Variants in DHX32 observed in about 807,000 individuals in gnomAD.
DHX32 encodes the protein DEAH-box helicase 32 (putative), also known as putative pre-mRNA-splicing factor ATP-dependent RNA helicase DHX32.
Under a neutral mutation model 70.0 loss-of-function variants are expected in DHX32, and 51 were observed. The observed-to-expected ratio is 0.73, with a 90% confidence interval of 0.58 to 0.92. The LOEUF is 0.92. DHX32 is among the 40% of genes least tolerant of loss of function. The probability of loss-of-function intolerance (pLI) is 0.00; values close to 1 mark genes in which losing one functional copy is unlikely to be tolerated. For synonymous variants in DHX32, 310 were observed against 315.3 expected (o/e 0.98, Z 0.18); for missense variants, 762 against 891.8 (o/e 0.85, Z 1.85).
intron 6 of DHX32, chr10:125,842,239 C>T (rs1233591791): frequency 1.5e-5 from 5 of 325,310 alleles, no homozygotes; most frequent in Non-Finnish European, 2.8e-5. Flanking sequence ...GCCAGGGATC[C>T]AGGGAGACTA....
At chr10:125,886,913 C>T (rs1944343736) in intron 1 of DHX32, among the ~76,000 whole-genome samples, 1 of 152,308 alleles carries the variant, frequency 6.6e-6, no homozygotes, top group Non-Finnish European at 1.5e-5. Flanking sequence ...ACTCTTGAAC[C>T]GTTTGTACTA....
chr10:125,856,752 C>T (rs1282083558), intron 3 of DHX32, among the ~76,000 whole-genome samples: 1 of 152,046 alleles, frequency 6.6e-6, no homozygotes, highest in Admixed American at 6.6e-5. Flanking sequence ...TCAAGACCAG[C>T]CTGGGCAACA....
intron 6 of DHX32, among the ~76,000 whole-genome samples, chr10:125,847,258 G>A (rs1198434431): frequency 6.6e-6 from 1 of 152,176 alleles, no homozygotes; most frequent in Non-Finnish European, 1.5e-5. Context: ...GGAACCTAGA[G>A]ATACAGGGAT....
intron 1 of DHX32, among the ~76,000 whole-genome samples, chr10:125,888,242 C>A (rs61870744): frequency 0.31 from 45,912 of 149,704 alleles, 7,256 homozygotes; most frequent in East Asian, 0.43. Context: ...CTTACTCCGT[C>A]GCCCAGGCTG....
At chr10:125,884,472 C>G (rs1944332645), upstream of DHX32, among the ~76,000 whole-genome samples, 1 of 152,228 alleles carries the variant, frequency 6.6e-6, no homozygotes. Context: ...TCTTTCAAAG[C>G]TATCATACAT....
Position 125,852,641 on chromosome 10 carries a change from A to T in DHX32, c.1094T>A (p.Val365Glu). Reference protein sequence around the residue: ...VIDVGVERRKVYNPRIRANSL... With the variant: ...VIDVGVERRKEYNPRIRANSL... ...GTTTGCTCTTATTCTCGGGTTGTAC[A>T]CCTTTAAATGGAAAGACAGCATCAT... The change falls in exon 5 of 11, where the codon GTG becomes GAG. Residue 365 changes from valine (V) to glutamate (E), a missense_variant and splice_region_variant. This residue lies in a region of DHX32 where 394 missense variants were observed against 473.1 expected (regional missense o/e 0.83). Coordinates refer to ENST00000284690, the MANE Select transcript of DHX32 (RefSeq NM_018180.3). The T allele has an allele frequency of 6.2e-7, 1 of 1,603,674 alleles. No individual in the cohort carries two copies. The highest frequency in any genetic ancestry group is 8.5e-7 in the Non-Finnish European group (1 of 1,176,568).
chr10:125,862,846 G>T lies in DHX32; in HGVS notation c.477-2871C>A, dbSNP rs115883304. ...TCCCAGTCTGTGCAATGTGAGCAAG[G>T]CTCCAACTCAAAACAAAGCAAAAAA... On this transcript the variant is annotated intron_variant, in intron 2 of 10. Transcript: ENST00000284690. Among the ~76,000 whole-genome samples, 698 of 151,434 alleles carry T rather than the reference G, an allele frequency of 4.6e-3. 3 individuals carry two copies. The highest frequency in any genetic ancestry group is 0.016 in the African/African-American group (644 of 41,228).
chr10:125,855,443 A>G (rs1222246016), intron 3 of DHX32, among the ~76,000 whole-genome samples: 1 of 149,684 alleles, frequency 6.7e-6, no homozygotes, highest in Non-Finnish European at 1.5e-5. Flanking sequence ...CTATCAAGAT[A>G]AACTGTTTTT....
intron 10 of DHX32, among the ~76,000 whole-genome samples, chr10:125,837,631 CCAGGGCTGGTCTTGAACTCT>C (rs2134020020): frequency 6.6e-6 from 1 of 152,226 alleles, no homozygotes; most frequent in Non-Finnish European, 1.5e-5. Flanking sequence ...TGCTATGTTG[CCAGGGCTGGTCTTGAACTCT>C]TGGGCTCAAG....
At position 125,892,980 on chromosome 10, in the gene DHX32, C is replaced by T. The variant is rs1944380433; in HGVS notation, c.-248+3238G>A. Among the ~76,000 whole-genome samples, 3 of 152,118 alleles carry T rather than the reference C, an allele frequency of 2.0e-5. No individual in the cohort carries two copies. The South Asian group carries it at 6.2e-4, about 32-fold the overall frequency. ...AAATTATCAGGTACACAATGAAGAC[C>T]ACCATGTGCTAAAAGCAACACAGAA... On this transcript the variant is annotated intron_variant, in intron 1 of 2. Transcript: ENST00000415732.
intron 1 of DHX32, among the ~76,000 whole-genome samples, chr10:125,880,097 C>T (rs1944308260): frequency 1.3e-5 from 2 of 152,272 alleles, no homozygotes; most frequent in East Asian, 1.9e-4. Context: ...TTTCCTTGTG[C>T]TTTTGATTTC....
chr10:125,864,667 G>A (rs753121395), intron 2 of DHX32, among the ~76,000 whole-genome samples: 4 of 151,864 alleles, frequency 2.6e-5, no homozygotes, highest in African/African-American at 7.3e-5. Context: ...GGTAGCTCAC[G>A]CCTGTAATAC....
chr10:125,853,023 C>T, intron 4 of DHX32: 1 of 835,220 alleles, frequency 1.2e-6, no homozygotes, highest in South Asian at 1.8e-5. Flanking sequence ...TCAAATCAAC[C>T]AGGATCTTGG....
chr10:125,876,991 T>C (rs539125071), intron 1 of DHX32, among the ~76,000 whole-genome samples: 2 of 152,276 alleles, frequency 1.3e-5, no homozygotes, highest in South Asian at 2.1e-4. Context: ...AAGGGCATCA[T>C]GTCCTCAACC....
upstream of DHX32, among the ~76,000 whole-genome samples, chr10:125,883,643 C>G (rs1417607469): frequency 6.6e-6 from 1 of 152,202 alleles, no homozygotes; most frequent in East Asian, 1.9e-4. Context: ...CCCAAAGTAT[C>G]ATGAGACAAC....
chr10:125,844,319 G>C (rs1411434392), intron 6 of DHX32, among the ~76,000 whole-genome samples: 1 of 152,238 alleles, frequency 6.6e-6, no homozygotes, highest in African/African-American at 2.4e-5. Context: ...CAGCAAAGCT[G>C]CTGCATTATA....
rs773951993 is a variant in DHX32 at position 125,839,163 on chromosome 10, A to G, written c.1719T>C (p.Asp573=). Residue 573 remains aspartate, a synonymous_variant, in exon 9 of 11, where the codon GAT becomes GAC. Transcript: ENST00000284690. ...TGAGTGCTGAACAGTTGAGGAAGTA[A>G]TCACGACACCACTTTTCCACACAGT... ...SEYCVEKWCR[D]YFLNCSALRM... 29 of 1,614,128 alleles carry G rather than the reference A, an allele frequency of 1.8e-5. No individual in the cohort carries two copies. The highest frequency in any genetic ancestry group is 2.4e-5 in the Non-Finnish European group (28 of 1,180,042).
chr10:125,861,494 C>T (rs944945523), intron 2 of DHX32, among the ~76,000 whole-genome samples: 1 of 152,130 alleles, frequency 6.6e-6, no homozygotes, highest in Non-Finnish European at 1.5e-5. Flanking sequence ...GAGACTCCCC[C>T]AGAAAAGAGT....
intron 3 of DHX32, 171 bp from the exon 4 acceptor site, chr10:125,854,374 G>T: frequency 2.0e-6 from 1 of 500,678 alleles, no homozygotes; most frequent in Non-Finnish European, 3.3e-6. Flanking sequence ...GCACCTAAAT[G>T]AGAAAACGTC....
Sources: allele counts gnomAD v4.1 joint callset (sites outside exome capture counted in the v4.1 genomes callset), GRCh38; gene constraint gnomAD v4.1.1; regional missense constraint gnomAD v4.1.1; transcripts MANE v1.5; gene names NCBI Gene and HGNC (gene_info 2026-07-23, HGNC 2026-07-21).